The following KCNQ5 variants were observed in gnomAD, a reference collection of about 807,000 sequenced individuals.
KCNQ5 encodes potassium voltage-gated channel subfamily Q member 5, also known as potassium voltage-gated channel subfamily KQT member 5.
In KCNQ5, 30 loss-of-function variants were observed where a neutral mutation model predicts 98.2. That is an observed-to-expected ratio of 0.31 (90% confidence interval 0.23 to 0.41). The LOEUF (loss-of-function observed/expected upper bound fraction) is 0.41, where lower values mean the gene tolerates loss of function less well. KCNQ5 is among the 10% of genes least tolerant of loss of function. The pLI is 1.00. For missense variants in KCNQ5, 835 were observed against 1,182.5 expected (o/e 0.71, Z 4.31); for synonymous variants, 458 against 449.4 (o/e 1.02, Z -0.24).
At chr6:73,106,385 A>C (rs1428654529) in intron 6 of KCNQ5, among the ~76,000 whole-genome samples, 1 of 152,218 alleles carries the variant, frequency 6.6e-6, no homozygotes, top group African/African-American at 2.4e-5. Context: ...TAACTATATG[A>C]CTGCTTTAGT....
intron 1 of KCNQ5, among the ~76,000 whole-genome samples, chr6:72,797,007 T>C (rs1356044139): frequency 6.6e-6 from 1 of 152,224 alleles, no homozygotes; most frequent in African/African-American, 2.4e-5. Context: ...ATGAACTCAC[T>C]GCCTTTACGT....
At chr6:72,960,670 C>T (rs1767298685) in intron 1 of KCNQ5, among the ~76,000 whole-genome samples, 1 of 152,182 alleles carries the variant, frequency 6.6e-6, no homozygotes, top group African/African-American at 2.4e-5. Flanking sequence ...TTGTGATCTG[C>T]CTGCCTCAGT....
At chr6:72,993,972 G>T (rs1259095999) in intron 1 of KCNQ5, among the ~76,000 whole-genome samples, 1 of 92,866 alleles carries the variant, frequency 1.1e-5, no homozygotes. Context: ...TAGGCTGCTC[G>T]GGGGTCAGGG....
At chr6:73,035,985 T>TTGTGTG (rs70994155) in intron 2 of KCNQ5, among the ~76,000 whole-genome samples, 6,087 of 140,462 alleles carry the variant, frequency 0.043, 238 homozygotes, top group African/African-American at 0.1. Flanking sequence ...TTGAATACAT[T>TTGTGTG]TGTGTGTGTG....
intron 12 of KCNQ5, among the ~76,000 whole-genome samples, chr6:73,192,305 T>C (rs1765621025): frequency 6.6e-6 from 1 of 152,222 alleles, no homozygotes; most frequent in Non-Finnish European, 1.5e-5. Flanking sequence ...AGAAACATAT[T>C]ACTTTGTAGT....
chr6:73,164,333 C>A (rs920361277), intron 10 of KCNQ5, among the ~76,000 whole-genome samples: 3 of 152,116 alleles, frequency 2.0e-5, no homozygotes, highest in Non-Finnish European at 4.4e-5. Context: ...CACATGCCAG[C>A]AAAGATATAT....
intron 1 of KCNQ5, among the ~76,000 whole-genome samples, chr6:72,818,763 T>C (rs1409222571): frequency 6.6e-6 from 1 of 151,100 alleles, no homozygotes; most frequent in East Asian, 1.9e-4. Context: ...AAATAATAAA[T>C]ATTTAATTTA....
intron 2 of KCNQ5, among the ~76,000 whole-genome samples, chr6:73,016,965 T>C (rs951301913): frequency 2.0e-5 from 3 of 152,142 alleles, no homozygotes; most frequent in Non-Finnish European, 4.4e-5. Context: ...CAACTCTGGA[T>C]TTCCCACTTG....
chr6:72,801,814 C>A (rs1051441815), intron 1 of KCNQ5, among the ~76,000 whole-genome samples: 2 of 151,798 alleles, frequency 1.3e-5, no homozygotes, highest in African/African-American at 4.8e-5. Context: ...TCTTTTAGGG[C>A]AGGCCTGGTG....
chr6:72,869,822 A>G (rs1311999447), intron 1 of KCNQ5, among the ~76,000 whole-genome samples: 1 of 152,214 alleles, frequency 6.6e-6, no homozygotes, highest in Non-Finnish European at 1.5e-5. Flanking sequence ...TCAAAGCTGG[A>G]CATGGGGTGC....
chr6:73,061,279 G>A (rs1456516589), intron 3 of KCNQ5, among the ~76,000 whole-genome samples: 3 of 152,098 alleles, frequency 2.0e-5, no homozygotes, highest in Admixed American at 2.0e-4. Context: ...GTTTAACTGA[G>A]GATAGCGAAT....
intron 1 of KCNQ5, among the ~76,000 whole-genome samples, chr6:72,926,628 T>A (rs1765433306): frequency 2.0e-5 from 3 of 152,140 alleles, no homozygotes; most frequent in Admixed American, 1.3e-4. Context: ...TTGTGAAGGT[T>A]TGAAATCCTC....
At chr6:73,166,863 T>C (rs770075265) in intron 10 of KCNQ5, among the ~76,000 whole-genome samples, 1 of 152,240 alleles carries the variant, frequency 6.6e-6, no homozygotes, top group Non-Finnish European at 1.5e-5. Flanking sequence ...CCCTATGTCT[T>C]TGCCTTTTCT....
At chr6:72,900,390 G>T in intron 1 of KCNQ5, among the ~76,000 whole-genome samples, 1 of 142,984 alleles carries the variant, frequency 7.0e-6, no homozygotes, top group African/African-American at 2.6e-5. Flanking sequence ...AAGAAACTGT[G>T]GTATATATAT....
chr6:72,771,701 A>G (rs2154477456), intron 1 of KCNQ5, among the ~76,000 whole-genome samples: 1 of 149,150 alleles, frequency 6.7e-6, no homozygotes, highest in South Asian at 2.1e-4. Context: ...ATCATGTTCT[A>G]TACCTTAAAT....
intron 11 of KCNQ5, among the ~76,000 whole-genome samples, chr6:73,186,287 T>G (rs1302921659): frequency 6.6e-6 from 1 of 152,222 alleles, no homozygotes; most frequent in Non-Finnish European, 1.5e-5. Context: ...TCCACACTTA[T>G]AAACCATAGA....
At chr6:72,941,393 T>A (rs1294131725) in intron 1 of KCNQ5, among the ~76,000 whole-genome samples, 3 of 85,856 alleles carry the variant, frequency 3.5e-5, no homozygotes, top group Non-Finnish European at 9.2e-5. Context: ...CCTTCCTTCC[T>A]CCTTTCCTCC....
chr6:72,692,101 T>C (rs1768238818), intron 1 of KCNQ5, among the ~76,000 whole-genome samples: 1 of 152,230 alleles, frequency 6.6e-6, no homozygotes, highest in Non-Finnish European at 1.5e-5. Context: ...GAAAGGTTTT[T>C]AAAAACTTCA....
At chr6:72,890,519 G>A (rs1475926453) in intron 1 of KCNQ5, among the ~76,000 whole-genome samples, 3 of 152,006 alleles carry the variant, frequency 2.0e-5, no homozygotes, top group Non-Finnish European at 2.9e-5. Flanking sequence ...GAATAGCAGT[G>A]GGGTTGTGGT....
Sources: gnomAD v4.1 joint callset for allele counts (sites outside exome capture counted in the v4.1 genomes callset) on GRCh38, gnomAD v4.1.1 for gene constraint, MANE v1.5 for transcripts, NCBI Gene and HGNC (gene_info 2026-07-23, HGNC 2026-07-21) for gene names.